Variants in NELL1 observed in about 807,000 individuals in gnomAD.
NELL1 encodes the protein neural EGFL like 1.
A neutral mutation model predicts 107.4 loss-of-function variants in NELL1; 76 were observed. The ratio of observed to expected loss-of-function variants is 0.71; its 90% CI spans 0.59 to 0.86. The LOEUF (loss-of-function observed/expected upper bound fraction) is 0.86, where lower values mean the gene tolerates loss of function less well. Ranked by LOEUF, NELL1 falls within the 40% of genes least tolerant of loss-of-function variation. The probability of loss-of-function intolerance (pLI) is 0.00; values close to 1 mark genes in which losing one functional copy is unlikely to be tolerated. For missense variants in NELL1, 1,024 were observed against 1,005.5 expected (o/e 1.02, Z -0.25); for synonymous variants, 353 against 341.2 (o/e 1.03, Z -0.38).
intron 12 of NELL1, among the ~76,000 whole-genome samples, chr11:21,012,797 T>TC (rs1852476556): frequency 6.6e-6 from 1 of 151,906 alleles, no homozygotes. Flanking sequence ...ATCAGATGAG[T>TC]CCATTTACGA....
chr11:21,079,652 A>G (rs1288246415), intron 12 of NELL1, among the ~76,000 whole-genome samples: 1 of 152,072 alleles, frequency 6.6e-6, no homozygotes, highest in Non-Finnish European at 1.5e-5. Context: ...CATGAGTAAC[A>G]AATTATTTAG....
intron 15 of NELL1, among the ~76,000 whole-genome samples, chr11:21,375,420 TATG>T (rs1424195494): frequency 6.6e-6 from 1 of 152,182 alleles, no homozygotes; most frequent in Non-Finnish European, 1.5e-5. Flanking sequence ...CCATGGTGTA[TATG>T]TACCATATTT....
At chr11:20,897,238 G>C (rs1294549486) in intron 5 of NELL1, among the ~76,000 whole-genome samples, 1 of 152,134 alleles carries the variant, frequency 6.6e-6, no homozygotes, top group Non-Finnish European at 1.5e-5. Flanking sequence ...GAACAGAACA[G>C]AGCCCTCAGA....
At chr11:20,672,851 AT>A (rs35403876) in intron 1 of NELL1, among the ~76,000 whole-genome samples, 307 of 137,164 alleles carry the variant, frequency 2.2e-3, no homozygotes, top group African/African-American at 2.7e-3. Context: ...AAAGGAGAGA[AT>A]TTTTTTTTTT....
At chr11:21,097,889 A>AT (rs998575217) in intron 12 of NELL1, among the ~76,000 whole-genome samples, 26 of 152,206 alleles carry the variant, frequency 1.7e-4, no homozygotes. Flanking sequence ...TAAGCAGTCA[A>AT]GAAAACACTG....
At chr11:21,332,259 T>C (rs1270951901) in intron 14 of NELL1, among the ~76,000 whole-genome samples, 1 of 151,976 alleles carries the variant, frequency 6.6e-6, no homozygotes, top group Non-Finnish European at 1.5e-5. Flanking sequence ...GGGGCTCCTA[T>C]GGAGATTTCC....
At chr11:20,768,666 G>A (rs138354652) in intron 2 of NELL1, among the ~76,000 whole-genome samples, 1 of 152,358 alleles carries the variant, frequency 6.6e-6, no homozygotes, top group Non-Finnish European at 1.5e-5. Context: ...AGAAAGACAT[G>A]AGGATCGGAT....
At chr11:21,318,587 A>C (rs72951499) in intron 14 of NELL1, among the ~76,000 whole-genome samples, 4,371 of 151,054 alleles carry the variant, frequency 0.029, 87 homozygotes, top group South Asian at 0.039. Flanking sequence ...TCTATTTTTT[A>C]ATATAACCAG....
intron 12 of NELL1, among the ~76,000 whole-genome samples, chr11:21,065,073 ATCT>A (rs1853835797): frequency 1.3e-5 from 2 of 152,276 alleles, no homozygotes; most frequent in South Asian, 2.1e-4. Context: ...TGATTATGTC[ATCT>A]TCTTTTTGCA....
chr11:21,279,551 C>T (rs1848944820), intron 14 of NELL1, among the ~76,000 whole-genome samples: 1 of 152,170 alleles, frequency 6.6e-6, no homozygotes. Flanking sequence ...ACAACAGTGA[C>T]ATACACTACA....
intron 14 of NELL1, among the ~76,000 whole-genome samples, chr11:21,238,198 T>A (rs1359628014): frequency 6.6e-6 from 1 of 152,078 alleles, no homozygotes; most frequent in Non-Finnish European, 1.5e-5. Flanking sequence ...GATTTCTCTC[T>A]CTCAGATTTG....
chr11:21,330,841 C>G (rs772419414), intron 14 of NELL1, among the ~76,000 whole-genome samples: 11 of 151,804 alleles, frequency 7.2e-5, no homozygotes, highest in Non-Finnish European at 1.2e-4. Flanking sequence ...TTCTGGCACC[C>G]CAATTTTGCA....
chr11:20,672,970 GC>G (rs10592573), intron 1 of NELL1, among the ~76,000 whole-genome samples: 2,082 of 100,042 alleles, frequency 0.021, 17 homozygotes, highest in Non-Finnish European at 0.033. Context: ...TCCTGCCTCA[GC>G]CCCCCCCCCC....
rs115893066 is a variant in NELL1 at position 21,529,193 on chromosome 11, C to T, written c.1646-5181C>T. ...GAAAAATGTTGTACTATTTTCAATA[C>T]GTGATTTCCAAGGTTTTCCTGGAAA... On this transcript the variant is annotated intron_variant, in intron 15 of 19. Coordinates refer to ENST00000357134, the MANE Select transcript of NELL1 (RefSeq NM_006157.5). 1.2e-3 allele frequency among the ~76,000 whole-genome samples: 185 copies of T among 152,226 alleles called. 1 individual carries two copies. Among genetic ancestry groups the T allele is most frequent in the African/African-American group, 4.4e-3 (182 of 41,552 alleles).
chr11:21,402,255 T>C (rs573729943), intron 15 of NELL1, among the ~76,000 whole-genome samples: 2 of 151,936 alleles, frequency 1.3e-5, no homozygotes, highest in African/African-American at 4.8e-5. Context: ...TACTTTGATC[T>C]CTTTCTATAC....
chr11:21,444,688 T>A (rs754332754), intron 15 of NELL1, among the ~76,000 whole-genome samples: 1 of 152,162 alleles, frequency 6.6e-6, no homozygotes, highest in African/African-American at 2.4e-5. Context: ...CCAGGATAAA[T>A]GGAGTATTCA....
chr11:21,277,234 T>C (rs1489619055), intron 14 of NELL1, among the ~76,000 whole-genome samples: 18 of 152,004 alleles, frequency 1.2e-4, no homozygotes, highest in African/African-American at 3.9e-4. Flanking sequence ...AAAAAGTGGG[T>C]GAAGGATATG....
At chr11:20,833,289 CATTATTATT>C (rs113832089) in intron 3 of NELL1, among the ~76,000 whole-genome samples, 1 of 151,226 alleles carries the variant, frequency 6.6e-6, no homozygotes, top group African/African-American at 2.4e-5. Flanking sequence ...AAATGTTAGC[CATTATTATT>C]ATTATTATTA....
chr11:21,530,007 C>G (rs1482530222), intron 15 of NELL1, among the ~76,000 whole-genome samples: 1 of 152,004 alleles, frequency 6.6e-6, no homozygotes, highest in Non-Finnish European at 1.5e-5. Context: ...TCTATTTGCC[C>G]CCTAGACTCT....
Sources: allele counts gnomAD v4.1 joint callset (sites outside exome capture counted in the v4.1 genomes callset), GRCh38; gene constraint gnomAD v4.1.1; transcripts MANE v1.5; gene names NCBI Gene and HGNC (gene_info 2026-07-23, HGNC 2026-07-21).